DCUN1D1: variants seen among roughly 807,000 people sequenced by gnomAD.
The protein encoded by DCUN1D1 is defective in cullin neddylation 1 domain containing 1.
In DCUN1D1, 3 loss-of-function variants were observed where a neutral mutation model predicts 39.0. The observed-to-expected ratio is 0.08, with a 90% CI of 0.04 to 0.20. DCUN1D1 has a LOEUF of 0.20. DCUN1D1 is among the 10% of genes least tolerant of loss of function. The pLI is 1.00. For missense variants in DCUN1D1, 158 were observed against 302.4 expected, an observed-to-expected ratio of 0.52 and a Z score of 3.54; for synonymous variants, 82 against 96.3, an observed-to-expected ratio of 0.85 and a Z score of 0.87.
chr3:182,980,171 G>T (rs1301604495), intron 1 of DCUN1D1: 3 of 503,328 alleles, frequency 6.0e-6, no homozygotes, highest in Non-Finnish European at 7.6e-6. Flanking sequence ...CCGCCCCAAC[G>T]CCTCCCCCAC....
chr3:182,961,503 AAT>A, intron 3 of DCUN1D1, 147 bp from the exon 4 acceptor site: 1 of 757,588 alleles, frequency 1.3e-6, no homozygotes, highest in Non-Finnish European at 2.1e-6. Flanking sequence ...ATATTACATA[AAT>A]ATAAACACGC....
chr3:182,976,988 C>T (rs1287761038), intron 1 of DCUN1D1, among the ~76,000 whole-genome samples: 2 of 152,164 alleles, frequency 1.3e-5, no homozygotes, highest in Non-Finnish European at 2.9e-5. Context: ...TTTCAAAGTT[C>T]ATATATATTT....
intron 4 of DCUN1D1, among the ~76,000 whole-genome samples, chr3:182,959,523 A>C (rs1399221918): frequency 1.3e-5 from 2 of 150,996 alleles, no homozygotes; most frequent in African/African-American, 2.4e-5. Context: ...AAAAAAAAAA[A>C]AAACCTCATT....
At chr3:182,945,308 T>C in intron 6 of DCUN1D1, 135 bp from the exon 7 acceptor site, 1 of 645,064 alleles carries the variant, frequency 1.6e-6, no homozygotes, top group Non-Finnish European at 2.5e-6. Flanking sequence ...TTCCCACTGA[T>C]TAAGTCTTTC....
intron 1 of DCUN1D1, among the ~76,000 whole-genome samples, chr3:182,970,700 C>T (rs915237007): frequency 6.6e-6 from 1 of 152,198 alleles, no homozygotes; most frequent in African/African-American, 2.4e-5. Flanking sequence ...TCACTAAAAG[C>T]TCTGTATGTT....
upstream of DCUN1D1, among the ~76,000 whole-genome samples, chr3:182,984,278 A>G (rs960533626): frequency 1.3e-5 from 2 of 152,244 alleles, no homozygotes; most frequent in Non-Finnish European, 2.9e-5. Context: ...TGAATGTGAA[A>G]TGGAGAATTA....
chr3:182,967,056 A>G (rs1727702697), intron 1 of DCUN1D1, among the ~76,000 whole-genome samples: 1 of 151,882 alleles, frequency 6.6e-6, no homozygotes, highest in South Asian at 2.1e-4. Context: ...GCAGTGAGCC[A>G]AGATCACATC....
chr3:182,979,369 G>GGCGC (rs1728400088), intron 1 of DCUN1D1, among the ~76,000 whole-genome samples: 1 of 152,058 alleles, frequency 6.6e-6, no homozygotes, highest in South Asian at 2.1e-4. Flanking sequence ...CCTTAACACA[G>GGCGC]GCGCGCACAC....
At chr3:182,968,337 G>A (rs142394083) in intron 1 of DCUN1D1, among the ~76,000 whole-genome samples, 8 of 152,310 alleles carry the variant, frequency 5.3e-5, no homozygotes, top group African/African-American at 1.9e-4. Flanking sequence ...TAAATCCAGT[G>A]CTCTGTTCCC....
At chr3:182,946,094 G>A (rs1726383677) in intron 6 of DCUN1D1, among the ~76,000 whole-genome samples, 1 of 151,920 alleles carries the variant, frequency 6.6e-6, no homozygotes, top group African/African-American at 2.4e-5. Context: ...AGGGAAATAT[G>A]TATGAAGAAA....
chr3:182,975,602 T>C (rs1728190057), intron 1 of DCUN1D1, among the ~76,000 whole-genome samples: 1 of 151,500 alleles, frequency 6.6e-6, no homozygotes, highest in Non-Finnish European at 1.5e-5. Flanking sequence ...TAGGTCACTA[T>C]TATTCAGCAT....
chr3:182,981,138 A>C (rs766786175), upstream of DCUN1D1, among the ~76,000 whole-genome samples: 1 of 151,148 alleles, frequency 6.6e-6, no homozygotes, highest in Non-Finnish European at 1.5e-5. Flanking sequence ...GGTGGCTGTC[A>C]CTCCATTAGT....
At chr3:182,970,032 C>T (rs1256427854) in intron 1 of DCUN1D1, among the ~76,000 whole-genome samples, 1 of 152,042 alleles carries the variant, frequency 6.6e-6, no homozygotes, top group African/African-American at 2.4e-5. Context: ...GGCAGTGGGA[C>T]TATTTGAGGC....
chr3:182,981,991 C>G (rs937046175), upstream of DCUN1D1, among the ~76,000 whole-genome samples: 4 of 152,220 alleles, frequency 2.6e-5, no homozygotes, highest in African/African-American at 4.8e-5. Context: ...CGGAGGTTCT[C>G]CAGGAATTCA....
intron 4 of DCUN1D1, among the ~76,000 whole-genome samples, chr3:182,949,386 C>G (rs1254463306): frequency 1.3e-5 from 2 of 150,574 alleles, no homozygotes; most frequent in African/African-American, 4.9e-5. Flanking sequence ...AAAGAGCAAA[C>G]TTGATGCTAA....
At chr3:182,963,751 C>A in intron 3 of DCUN1D1, 130 bp downstream of exon 3, 1 of 753,300 alleles carries the variant, frequency 1.3e-6, no homozygotes, top group South Asian at 2.5e-5. Context: ...TGGAAACTAG[C>A]AAGTTAACCC....
chr3:182,967,128 CTA>C (rs60339329), intron 1 of DCUN1D1, among the ~76,000 whole-genome samples: 18,134 of 142,916 alleles, frequency 0.13, 1,479 homozygotes, highest in East Asian at 0.46. Context: ...AACAAAAAAA[CTA>C]TATATATATA....
intron 4 of DCUN1D1, among the ~76,000 whole-genome samples, chr3:182,957,033 G>A (rs6803781): frequency 0.028 from 4,192 of 152,292 alleles, 203 homozygotes; most frequent in African/African-American, 0.096. Context: ...AAAAACAACA[G>A]GTAACTGAGA....
At chr3:182,949,628 G>A (rs1726604117) in intron 4 of DCUN1D1, among the ~76,000 whole-genome samples, 1 of 151,926 alleles carries the variant, frequency 6.6e-6, no homozygotes, top group Non-Finnish European at 1.5e-5. Flanking sequence ...AGCTGAAGCG[G>A]GAGAATCCTT....
Sources: gnomAD v4.1 joint callset for allele counts (sites outside exome capture counted in the v4.1 genomes callset) on GRCh38, gnomAD v4.1.1 for gene constraint, MANE v1.5 for transcripts, NCBI Gene and HGNC (gene_info 2026-07-23, HGNC 2026-07-21) for gene names.